PIAS1: variants seen among roughly 807,000 people sequenced by gnomAD.
PIAS1 encodes E3 SUMO-protein ligase PIAS1.
A neutral mutation model predicts 71.3 loss-of-function variants in PIAS1; 6 were observed. The ratio of observed to expected loss-of-function variants is 0.08; its 90% CI spans 0.05 to 0.17. PIAS1 has a LOEUF of 0.17. Among genes scored for constraint, PIAS1 ranks in the 10% least tolerant of loss-of-function variants. PIAS1 has a pLI of 1.00. For missense variants in PIAS1, 555 were observed against 793.6 expected, an observed-to-expected ratio of 0.70 and a Z score of 3.61; for synonymous variants, 303 against 292.9, an observed-to-expected ratio of 1.03 and a Z score of -0.35.
chr15:68,059,519 G>C (rs1444201006), intron 1 of PIAS1, among the ~76,000 whole-genome samples: 1 of 151,560 alleles, frequency 6.6e-6, no homozygotes, highest in Non-Finnish European at 1.5e-5. Flanking sequence ...AGACCAGCCT[G>C]ACCAAGATAG....
chr15:68,172,761 G>A (rs569663301), intron 8 of PIAS1, among the ~76,000 whole-genome samples: 2 of 152,342 alleles, frequency 1.3e-5, no homozygotes, highest in East Asian at 1.9e-4. Flanking sequence ...AGGTTTCTGC[G>A]TGGCTTTTCT....
At chr15:68,137,358 T>G (rs1270403430) in intron 2 of PIAS1, among the ~76,000 whole-genome samples, 1 of 152,176 alleles carries the variant, frequency 6.6e-6, no homozygotes, top group Non-Finnish European at 1.5e-5. Flanking sequence ...TAATAGAGAC[T>G]GCAATTGAAA....
chr15:68,055,948 C>A (rs1369090075), intron 1 of PIAS1: 8 of 698,012 alleles, frequency 1.1e-5, no homozygotes, highest in Admixed American at 2.0e-5. Flanking sequence ...TTAAAATGTA[C>A]TTCTAATTAC....
chr15:68,100,042 G>T (rs2092409830), intron 2 of PIAS1, among the ~76,000 whole-genome samples: 1 of 149,514 alleles, frequency 6.7e-6, no homozygotes, highest in Non-Finnish European at 1.5e-5. Context: ...ACTAGTTTTA[G>T]TCAGAGATGT....
intron 7 of PIAS1, among the ~76,000 whole-genome samples, chr15:68,158,365 A>G (rs571048097): frequency 2.0e-5 from 3 of 152,236 alleles, no homozygotes; most frequent in East Asian, 3.9e-4. Context: ...CTATGCCTCA[A>G]AACTCCCCTG....
intron 7 of PIAS1, among the ~76,000 whole-genome samples, chr15:68,154,733 A>G (rs1019950910): frequency 6.6e-6 from 1 of 152,244 alleles, no homozygotes; most frequent in Non-Finnish European, 1.5e-5. Context: ...ATGGGAGCAC[A>G]CTTTGGCTAA....
intron 12 of PIAS1, among the ~76,000 whole-genome samples, chr15:68,182,410 C>T (rs373688127): frequency 2.2e-4 from 32 of 146,012 alleles, no homozygotes; most frequent in East Asian, 1.6e-3. Context: ...ACCCCATTCC[C>T]GGGAAGTTAC....
intron 2 of PIAS1, among the ~76,000 whole-genome samples, chr15:68,109,489 A>G (rs115248185): frequency 6.6e-6 from 1 of 152,166 alleles, no homozygotes; most frequent in East Asian, 1.9e-4. Context: ...TAGTTGAGTA[A>G]ATATTTGTAG....
chr15:68,069,685 TC>T (rs1359434591), intron 1 of PIAS1, among the ~76,000 whole-genome samples: 2 of 151,730 alleles, frequency 1.3e-5, no homozygotes, highest in Non-Finnish European at 2.9e-5. Context: ...GAGCCTGTAG[TC>T]CCAGCTACTT....
chr15:68,101,650 T>A (rs1194869431), intron 2 of PIAS1, among the ~76,000 whole-genome samples: 1 of 152,020 alleles, frequency 6.6e-6, no homozygotes, highest in Non-Finnish European at 1.5e-5. Flanking sequence ...CTTAATAGGA[T>A]CTTTTTACAT....
intron 12 of PIAS1, chr15:68,181,596 T>C: frequency 2.4e-6 from 1 of 411,210 alleles, no homozygotes; most frequent in Non-Finnish European, 4.5e-6. Flanking sequence ...TCTTTAGTTT[T>C]TGTGAGCTCC....
intron 1 of PIAS1, among the ~76,000 whole-genome samples, chr15:68,066,049 C>G (rs1183861366): frequency 6.7e-6 from 1 of 149,214 alleles, no homozygotes; most frequent in Non-Finnish European, 1.5e-5. Context: ...GCCACTGCAC[C>G]TGGCTTGAAG....
At chr15:68,121,474 GT>G (rs200188296) in intron 2 of PIAS1, among the ~76,000 whole-genome samples, 2 of 151,670 alleles carry the variant, frequency 1.3e-5, no homozygotes, top group East Asian at 1.9e-4. Flanking sequence ...CTTTATTCTT[GT>G]TTTTTTGTGC....
chr15:68,140,854 A>G (rs1054583456), intron 2 of PIAS1, among the ~76,000 whole-genome samples: 2 of 152,076 alleles, frequency 1.3e-5, no homozygotes, highest in Admixed American at 6.6e-5. Context: ...CTTAGTGATC[A>G]TTTTCTTCTA....
At chr15:68,164,903 A>C in intron 8 of PIAS1, 99 bp downstream of exon 8, 2 of 663,808 alleles carry the variant, frequency 3.0e-6, no homozygotes. Context: ...TTGCTTCTAA[A>C]ATATGTCCAC....
chr15:68,077,762 A>G (rs1222344464), intron 1 of PIAS1, among the ~76,000 whole-genome samples: 1 of 152,140 alleles, frequency 6.6e-6, no homozygotes, highest in East Asian at 1.9e-4. Context: ...GGACATTGGC[A>G]TTTGCCTTTT....
At chr15:68,137,438 G>C (rs918446111) in intron 2 of PIAS1, among the ~76,000 whole-genome samples, 1 of 152,042 alleles carries the variant, frequency 6.6e-6, no homozygotes. Flanking sequence ...AGAATGACTG[G>C]AAGGAAATAG....
chr15:68,062,095 A>G (rs1333111114), intron 1 of PIAS1, among the ~76,000 whole-genome samples: 2 of 152,234 alleles, frequency 1.3e-5, no homozygotes, highest in Non-Finnish European at 2.9e-5. Context: ...TTTTAGGGTC[A>G]TATCTTCGCT....
chr15:68,178,676 C>A lies in PIAS1; in HGVS notation c.1481+2022C>A, dbSNP rs767883690. ...ATTTTAAAAGATATTTCATAAACCT[C>A]TGGATATATAAATACTTTTGGGCTA... On this transcript the variant is annotated intron_variant, in intron 11 of 13. Transcript: ENST00000249636. This position sits in a 1 kb window ranked among gnomAD's most constrained non-coding sequence, Gnocchi z 4.2. Among the ~76,000 whole-genome samples the A allele has an allele frequency of 9.9e-5, 15 of 152,018 alleles. No individual in the cohort carries two copies. The highest frequency in any genetic ancestry group is 1.8e-4 in the Non-Finnish European group (12 of 68,004).
Sources: allele counts gnomAD v4.1 joint callset (sites outside exome capture counted in the v4.1 genomes callset), GRCh38; gene constraint gnomAD v4.1.1; non-coding constraint Gnocchi (gnomAD v3.1); transcripts MANE v1.5; gene names NCBI Gene and HGNC (gene_info 2026-07-23, HGNC 2026-07-21).